The following ACOT12 variants were observed in gnomAD, a reference collection of about 807,000 sequenced individuals.
ACOT12 encodes the protein acyl-CoA thioesterase 12, also known as acetyl-coenzyme A thioesterase.
ACOT12 carries 51 observed loss-of-function variants against 67.7 expected under a neutral mutation model. That is an observed-to-expected ratio of 0.75 (90% CI 0.60 to 0.95). The LOEUF (loss-of-function observed/expected upper bound fraction) is 0.95, where lower values mean the gene tolerates loss of function less well. Ranked by LOEUF, ACOT12 falls within the 40% of genes least tolerant of loss-of-function variation. The probability of loss-of-function intolerance (pLI) is 0.00; values close to 1 mark genes in which losing one functional copy is unlikely to be tolerated. For missense variants in ACOT12, 734 were observed against 708.1 expected (o/e 1.04, Z -0.41); for synonymous variants, 251 against 244.6 (o/e 1.03, Z -0.24).
At chr5:81,342,864 T>A (rs1580539027) in intron 10 of ACOT12, 109 bp from the exon 11 acceptor site, 2 of 1,104,144 alleles carry the variant, frequency 1.8e-6, no homozygotes, top group Admixed American at 2.0e-5. Flanking sequence ...ATGTGTTGAG[T>A]CCTAGTGATA....
chr5:81,344,650 C>G (rs182360824), intron 8 of ACOT12, among the ~76,000 whole-genome samples: 55 of 152,280 alleles, frequency 3.6e-4, no homozygotes, highest in Admixed American at 2.8e-3. Flanking sequence ...AGGTGACATC[C>G]TACCCACAGC....
At chr5:81,321,535 G>A in the ACOT12 span, among the ~76,000 whole-genome samples, 1 of 152,122 alleles carries the variant, frequency 6.6e-6, no homozygotes, top group Admixed American at 6.5e-5. Context: ...AGGAATAGGA[G>A]ATTGTTTAAA....
intron 2 of ACOT12, among the ~76,000 whole-genome samples, chr5:81,382,437 G>A (rs184437610): frequency 6.6e-6 from 1 of 152,214 alleles, no homozygotes; most frequent in East Asian, 1.9e-4. Context: ...TTTGTTCAAG[G>A]GACTTAGGGA....
At chr5:81,380,704 G>T (rs1486778411) in intron 2 of ACOT12, among the ~76,000 whole-genome samples, 1 of 152,108 alleles carries the variant, frequency 6.6e-6, no homozygotes, top group Non-Finnish European at 1.5e-5. Flanking sequence ...ATGTTCATCA[G>T]TGGAGGGCCA....
At chr5:81,356,535 C>T (rs1199803913) in intron 5 of ACOT12, among the ~76,000 whole-genome samples, 1 of 152,084 alleles carries the variant, frequency 6.6e-6, no homozygotes, top group Non-Finnish European at 1.5e-5. Flanking sequence ...ATGAAATCTC[C>T]CCAGCTGTGG....
At position 81,340,186 on chromosome 5, in the gene ACOT12, C is replaced by T. The variant is rs183563230; in HGVS notation, c.1128+2486G>A. ...CCAAGCAGCTGAGATTACAGGTGCC[C>T]GCCATGACACCCAGCTAATTTTTTA... On this transcript the variant is annotated intron_variant, in intron 11 of 14. Transcript: ENST00000307624. Among the ~76,000 whole-genome samples the T allele has an allele frequency of 4.6e-4, 70 of 150,692 alleles. 1 individual carries two copies. In the South Asian group the frequency reaches 9.0e-3, roughly 19 times the overall value.
chr5:81,314,235 G>C, the ACOT12 span, among the ~76,000 whole-genome samples: 1 of 152,044 alleles, frequency 6.6e-6, no homozygotes, highest in Non-Finnish European at 1.5e-5. Flanking sequence ...CTCCTGAGTA[G>C]CTGGGATTAT....
At position 81,354,715 on chromosome 5, in the gene ACOT12, T is replaced by TA. The variant is rs1157104781; in HGVS notation, c.496+5187dup. 1.8e-3 allele frequency among the ~76,000 whole-genome samples: 271 copies of TA among 152,084 alleles called. 1 individual carries two copies. Among genetic ancestry groups the TA allele is most frequent in the African/African-American group, 5.5e-3 (230 of 41,470 alleles). On this transcript the variant is annotated intron_variant, in intron 5 of 14. Coordinates refer to ENST00000307624, the MANE Select transcript of ACOT12 (RefSeq NM_130767.3). ...TTTATCAATTATGTCTTTTTTTTTT[T>TA]ATTTTTGAGTCAGAATCTGGCTCTG...
chr5:81,335,845 G>A lies in ACOT12; in HGVS notation c.1185C>T (p.His395=), dbSNP rs141642570. The change falls in exon 12 of 15, where the codon CAC becomes CAT. Residue 395 remains histidine, a synonymous_variant. Coordinates refer to ENST00000307624, the MANE Select transcript of ACOT12 (RefSeq NM_130767.3). ...HDVLSVWVEK[H]VGSPAHLAYR... Reference sequence around the variant, plus strand: ...AAGCCAAATGTGCTGGACTTCCCACGTGCTTTTCAACCCAAACAGATAAAA... The same window carrying A: ...AAGCCAAATGTGCTGGACTTCCCACATGCTTTTCAACCCAAACAGATAAAA... 739 of 1,614,002 alleles carry A rather than the reference G, an allele frequency of 4.6e-4. 1 individual carries two copies. The highest frequency in any genetic ancestry group is 2.1e-3 in the South Asian group (194 of 91,056).
chr5:81,333,447 C>T (rs10058800), intron 12 of ACOT12, among the ~76,000 whole-genome samples: 8,190 of 152,096 alleles, frequency 0.054, 449 homozygotes, highest in East Asian at 0.17. Flanking sequence ...GATAATGATA[C>T]GTGGGGTTAT....
chr5:81,309,191 A>C, the ACOT12 span: 1 of 537,072 alleles, frequency 1.9e-6, no homozygotes, highest in East Asian at 3.2e-5. Context: ...CATATGTACT[A>C]GGCTTTTTGT....
intron 5 of ACOT12, among the ~76,000 whole-genome samples, chr5:81,352,150 G>A (rs1759572850): frequency 6.6e-6 from 1 of 152,230 alleles, no homozygotes; most frequent in Admixed American, 6.5e-5. Flanking sequence ...TTCATACACT[G>A]TTGGTGGGAA....
At chr5:81,362,982 T>C (rs1359362115) in intron 4 of ACOT12, among the ~76,000 whole-genome samples, 1 of 152,126 alleles carries the variant, frequency 6.6e-6, no homozygotes, top group East Asian at 1.9e-4. Context: ...GGCAGGCAGA[T>C]CACCTGTGGT....
chr5:81,344,983 C>T lies in ACOT12; in HGVS notation c.832G>A (p.Gly278Arg), dbSNP rs1201666611. Residue 278 changes from glycine (G) to arginine (R), a missense_variant, in exon 8 of 15, where the codon GGG becomes AGG. Physicochemically the swap from Gly to Arg is moderately radical, Grantham distance 125 (BLOSUM62 -2). Coordinates refer to ENST00000307624, the MANE Select transcript of ACOT12 (RefSeq NM_130767.3). ...FDCQEWAEGR[G>R]RHINSAFLIY... is the part of the protein sequence containing the mutation. Reference sequence around the variant, plus strand: ...AGAAAAGCACTGTTGATGTGACGCCCTCGGCCCTCGGCCCATTCCTGACAG... The same window carrying T: ...AGAAAAGCACTGTTGATGTGACGCCTTCGGCCCTCGGCCCATTCCTGACAG... 2 of 1,614,060 alleles carry T rather than the reference C, an allele frequency of 1.2e-6. No homozygotes were observed. The highest frequency in any genetic ancestry group is 2.2e-5 in the East Asian group (1 of 44,898).
Position 81,364,158 on chromosome 5 carries a change from C to T in ACOT12, c.259-269G>A, listed in dbSNP as rs558183583. Among the ~76,000 whole-genome samples the T allele has an allele frequency of 1.3e-4, 20 of 151,684 alleles. No homozygotes were observed. In the South Asian group the frequency reaches 3.9e-3, roughly 30 times the overall value. On this transcript the variant is annotated intron_variant, in intron 3 of 14. Transcript: ENST00000307624. ...ATATATTATCAGTAATCCCATCACC[C>T]AGAGATAATAATTATTAAATTTTAG...
intron 11 of ACOT12, among the ~76,000 whole-genome samples, chr5:81,339,847 T>C (rs1212642248): frequency 6.6e-6 from 1 of 152,112 alleles, no homozygotes; most frequent in Non-Finnish European, 1.5e-5. Flanking sequence ...TATACTACAA[T>C]CTTAAATTTT....
intron 5 of ACOT12, among the ~76,000 whole-genome samples, chr5:81,353,657 A>G (rs962778310): frequency 6.6e-6 from 1 of 152,230 alleles, no homozygotes; most frequent in African/African-American, 2.4e-5. Context: ...ATAATGATCC[A>G]GTAGTATTTC....
chr5:81,378,164 G>C (rs1241720186), intron 2 of ACOT12, among the ~76,000 whole-genome samples: 1 of 152,032 alleles, frequency 6.6e-6, no homozygotes, highest in African/African-American at 2.4e-5. Flanking sequence ...CAGAACAGAG[G>C]CTTCAGAAAT....
chr5:81,391,191 T>G (rs1279090321), intron 1 of ACOT12, among the ~76,000 whole-genome samples: 1 of 152,214 alleles, frequency 6.6e-6, no homozygotes, highest in Non-Finnish European at 1.5e-5. Flanking sequence ...GAAAAGATTA[T>G]AGATAGATTT....
Sources: gnomAD v4.1 joint callset for allele counts (sites outside exome capture counted in the v4.1 genomes callset) on GRCh38, gnomAD v4.1.1 for gene constraint, MANE v1.5 for transcripts, NCBI Gene and HGNC (gene_info 2026-07-23, HGNC 2026-07-21) for gene names.